The following SLC17A6 variants were observed in gnomAD, a reference collection of about 807,000 sequenced individuals.
The protein encoded by SLC17A6 is vesicular glutamate transporter 2.
In SLC17A6, 35 loss-of-function variants were observed where a neutral mutation model predicts 67.1. The observed-to-expected ratio is 0.52, with a 90% confidence interval of 0.40 to 0.69. SLC17A6 has a LOEUF of 0.69. Ranked by LOEUF, SLC17A6 falls within the 30% of genes least tolerant of loss-of-function variation. The pLI is 0.00. For synonymous variants in SLC17A6, 285 were observed against 252.3 expected, an observed-to-expected ratio of 1.13 and a Z score of -1.23; for missense variants, 588 against 723.9, an observed-to-expected ratio of 0.81 and a Z score of 2.15.
intron 3 of SLC17A6, 118 bp from the exon 4 acceptor site, chr11:22,359,295 T>A: frequency 3.8e-6 from 2 of 530,010 alleles, no homozygotes; most frequent in Admixed American, 8.3e-5. Flanking sequence ...ACAATCTACC[T>A]TAAAATTATT....
At chr11:22,362,162 T>C (rs759183746) in intron 5 of SLC17A6, 12 of 333,870 alleles carry the variant, frequency 3.6e-5, no homozygotes, top group Non-Finnish European at 7.1e-5. Context: ...TAAACTATTT[T>C]ATGGGACAGC....
Position 22,341,768 on chromosome 11 carries a change from G to A in SLC17A6, c.327G>A (p.Lys109=), listed in dbSNP as rs758726697. ...ACAGCACCATCCACCGCGGGGGCAA[G>A]GTCATCAAGGAGGTGGGCAACGTCT... ...VNNSTIHRGG[K]VIKEKAKFNW... Residue 109 remains lysine (K), a synonymous_variant, in exon 2 of 12, where the codon AAG becomes AAA. Transcript: ENST00000263160. 5.0e-6 allele frequency: 8 copies of A among 1,613,880 alleles called. No individual in the cohort carries two copies. Among genetic ancestry groups the A allele is most frequent in the African/African-American group, 1.3e-5 (1 of 74,944 alleles).
intron 3 of SLC17A6, among the ~76,000 whole-genome samples, chr11:22,350,766 T>A (rs1183299089): frequency 2.0e-5 from 3 of 152,112 alleles, no homozygotes; most frequent in Non-Finnish European, 4.4e-5. Flanking sequence ...AGGAGAAAGA[T>A]CTTAAGTGAA....
Position 22,359,446 on chromosome 11 carries a change from C to T in SLC17A6, c.492C>T (p.Thr164=), listed in dbSNP as rs1231220893. The change falls in exon 4 of 12, where the codon ACC becomes ACT. Residue 164 remains threonine, a synonymous_variant. Coordinates refer to ENST00000263160, the MANE Select transcript of SLC17A6 (RefSeq NM_020346.3). The part of the protein sequence containing the change: ...VFGAAILLTS[T]LNMLIPSAAR... ...GAGCTGCCATACTTCTTACCTCTAC[C>T]CTAAATATGCTAATTCCATCAGCAG... 6 of 1,600,202 alleles carry T rather than the reference C, an allele frequency of 3.7e-6. No homozygotes were observed. The highest frequency in any genetic ancestry group is 1.1e-5 in the South Asian group (1 of 88,584).
intron 7 of SLC17A6, among the ~76,000 whole-genome samples, chr11:22,368,580 A>C (rs1856138857): frequency 6.6e-6 from 1 of 152,072 alleles, no homozygotes; most frequent in Non-Finnish European, 1.5e-5. Flanking sequence ...TGTAAAGAAT[A>C]AAGTTCTTAG....
At chr11:22,364,393 C>T (rs546089410) in intron 6 of SLC17A6, among the ~76,000 whole-genome samples, 1 of 152,084 alleles carries the variant, frequency 6.6e-6, no homozygotes, top group South Asian at 2.1e-4. Flanking sequence ...TCTATATTCC[C>T]ATAAAAATGA....
chr11:22,372,961 G>A (rs951006047), intron 8 of SLC17A6, among the ~76,000 whole-genome samples: 1 of 152,110 alleles, frequency 6.6e-6, no homozygotes, highest in Non-Finnish European at 1.5e-5. Flanking sequence ...CACATATTAA[G>A]AAAATAGGAG....
rs1855969503 is a variant in SLC17A6 at position 22,353,874 on chromosome 11, G to T, written c.459-5539G>T. ...TTGTGATGTCCTGGGGGAATATCTG[G>T]CATGGTACTGCTAAACCAATGATTC... is the stretch of plus-strand genomic sequence containing the variant. On this transcript the variant is annotated intron_variant, in intron 3 of 11. Coordinates refer to ENST00000263160, the MANE Select transcript of SLC17A6 (RefSeq NM_020346.3). Among the ~76,000 whole-genome samples the T allele has an allele frequency of 3.3e-5, 5 of 152,108 alleles. No homozygotes were observed. In the South Asian group the frequency reaches 1.0e-3, roughly 32 times the overall value.
In SLC17A6 at chr11:22,339,181, T is replaced by TTATATA. The variant is rs60197884; in HGVS notation, c.86+580_86+585dup. Among the ~76,000 whole-genome samples, 9 of 82,808 alleles carry TTATATA rather than the reference T, an allele frequency of 1.1e-4. 1 individual carries two copies. The highest frequency in any genetic ancestry group is 7.6e-4 in the South Asian group (2 of 2,640). 54.3% of individuals were successfully genotyped at this position (82,808 alleles called of 152,430 possible). ...TATATATATGTTATATATATATGTT[T>TTATATA]TATATATATATATATATATATATGT... On this transcript the variant is annotated intron_variant, in intron 1 of 11. Coordinates refer to ENST00000263160, the MANE Select transcript of SLC17A6 (RefSeq NM_020346.3).
chr11:22,358,659 C>G (rs114243194), intron 3 of SLC17A6, among the ~76,000 whole-genome samples: 2 of 151,672 alleles, frequency 1.3e-5, no homozygotes, highest in Non-Finnish European at 1.5e-5. Flanking sequence ...CTTTTTTTAA[C>G]GAAGGAATGG....
In SLC17A6 at chr11:22,372,885, G is replaced by A. The variant is rs563118913; in HGVS notation, c.1042-1870G>A. ...ATGATAAGTCCCCAAAAGCCAAGAA[G>A]ACCACTGAATAGCTCAAAAACTTGA... On this transcript the variant is annotated intron_variant, in intron 8 of 11. Coordinates refer to ENST00000263160, the MANE Select transcript of SLC17A6 (RefSeq NM_020346.3). Among the ~76,000 whole-genome samples, 11 of 152,200 alleles carry A rather than the reference G, an allele frequency of 7.2e-5. No individual in the cohort carries two copies. In the South Asian group the frequency reaches 2.3e-3, roughly 32 times the overall value.
intron 6 of SLC17A6, among the ~76,000 whole-genome samples, chr11:22,364,492 C>A (rs1410437354): frequency 6.6e-6 from 1 of 152,032 alleles, no homozygotes; most frequent in Non-Finnish European, 1.5e-5. Context: ...GGATTTGAAT[C>A]TGGGAGTTAT....
At chr11:22,360,301 G>A (rs1308608534) in intron 4 of SLC17A6, among the ~76,000 whole-genome samples, 1 of 151,962 alleles carries the variant, frequency 6.6e-6, no homozygotes, top group African/African-American at 2.4e-5. Flanking sequence ...ACAGGGAGGG[G>A]AACGACACAC....
At chr11:22,341,145 C>T (rs1303459002) in intron 1 of SLC17A6, among the ~76,000 whole-genome samples, 1 of 152,126 alleles carries the variant, frequency 6.6e-6, no homozygotes, top group East Asian at 1.9e-4. Context: ...GAGGCGCCTA[C>T]TCAGGTGCAG....
chr11:22,365,696 A>T lies in SLC17A6; in HGVS notation c.891+7A>T, dbSNP rs1012020154. 1.9e-6 allele frequency: 3 copies of T among 1,612,142 alleles called. No individual in the cohort carries two copies. The highest frequency in any genetic ancestry group is 2.5e-6 in the Non-Finnish European group (3 of 1,179,140). ...TCTTTTAGGTGCAATGGAAGTAAGA[A>T]ATTTATTATGGTGTATATTCCTATC... On this transcript the variant is annotated splice_region_variant and intron_variant, in intron 7 of 11. Transcript: ENST00000263160.
chr11:22,351,205 T>A (rs1171059304), intron 3 of SLC17A6, among the ~76,000 whole-genome samples: 1 of 152,156 alleles, frequency 6.6e-6, no homozygotes, highest in African/African-American at 2.4e-5. Flanking sequence ...ATTATCTTTA[T>A]CCCGCACATG....
chr11:22,376,275 A>T (rs1259286099), intron 10 of SLC17A6, among the ~76,000 whole-genome samples, 183 bp downstream of exon 10: 1 of 152,158 alleles, frequency 6.6e-6, no homozygotes, highest in African/African-American at 2.4e-5. Context: ...AGATTTGTTA[A>T]TACTCAATTT....
intron 3 of SLC17A6, among the ~76,000 whole-genome samples, chr11:22,343,960 C>G (rs561315356): frequency 6.6e-6 from 1 of 152,254 alleles, no homozygotes; most frequent in Admixed American, 6.5e-5. Flanking sequence ...TCCTGCCTTG[C>G]TGCGGTGTCC....
intron 3 of SLC17A6, among the ~76,000 whole-genome samples, chr11:22,354,623 C>T (rs1855977699): frequency 6.6e-6 from 1 of 152,142 alleles, no homozygotes; most frequent in Non-Finnish European, 1.5e-5. Flanking sequence ...TTATATATTG[C>T]TGTTGGCATT....
Sources: gnomAD v4.1 joint callset for allele counts (sites outside exome capture counted in the v4.1 genomes callset) on GRCh38, gnomAD v4.1.1 for gene constraint, MANE v1.5 for transcripts, NCBI Gene and HGNC (gene_info 2026-07-23, HGNC 2026-07-21) for gene names.